FAM193B: variants seen among roughly 807,000 people sequenced by gnomAD.
FAM193B encodes the protein family with sequence similarity 193 member B.
A neutral mutation model predicts 70.7 loss-of-function variants in FAM193B; 27 were observed. That is an observed-to-expected ratio of 0.38 (90% CI 0.28 to 0.53). The LOEUF (loss-of-function observed/expected upper bound fraction) is 0.53, where lower values mean the gene tolerates loss of function less well. FAM193B is among the 20% of genes least tolerant of loss of function. The pLI is 0.81. For missense variants in FAM193B, 1,022 were observed against 1,072.5 expected (o/e 0.95, Z 0.66); for synonymous variants, 448 against 436.0 (o/e 1.03, Z -0.34).
At chr5:177,542,911 G>C (rs541669891) in intron 1 of FAM193B, among the ~76,000 whole-genome samples, 1 of 152,058 alleles carries the variant, frequency 6.6e-6, no homozygotes, top group Non-Finnish European at 1.5e-5. Context: ...TTCAGGCATG[G>C]ACTCAGTGGG....
intron 1 of FAM193B, among the ~76,000 whole-genome samples, chr5:177,552,370 G>C (rs952173165): frequency 3.5e-4 from 53 of 152,354 alleles, no homozygotes; most frequent in African/African-American, 1.3e-3. Flanking sequence ...ACAAATAAAT[G>C]AATCAGCAGG....
intron 1 of FAM193B, among the ~76,000 whole-genome samples, chr5:177,545,840 A>G (rs1765365463): frequency 6.6e-6 from 1 of 152,082 alleles, no homozygotes; most frequent in Non-Finnish European, 1.5e-5. Flanking sequence ...ATTCTTTTTC[A>G]TCTCCAGAGT....
chr5:177,550,565 G>A (rs1766078654), intron 1 of FAM193B, among the ~76,000 whole-genome samples: 1 of 152,206 alleles, frequency 6.6e-6, no homozygotes, highest in Non-Finnish European at 1.5e-5. Context: ...ACAATGTGGA[G>A]GGAACAAGAG....
intron 5 of FAM193B, chr5:177,531,790 C>G: frequency 1.1e-6 from 1 of 879,210 alleles, no homozygotes; most frequent in Non-Finnish European, 1.5e-6. Context: ...CACTGGGAAG[C>G]TGTATGACCT....
chr5:177,543,532 C>T (rs1765094591), intron 1 of FAM193B, among the ~76,000 whole-genome samples: 1 of 152,246 alleles, frequency 6.6e-6, no homozygotes, highest in South Asian at 2.1e-4. Context: ...AAGCTGATGT[C>T]TGAACTCTAG....
At chr5:177,526,372 G>A (rs1762599811) in intron 5 of FAM193B, among the ~76,000 whole-genome samples, 1 of 152,136 alleles carries the variant, frequency 6.6e-6, no homozygotes. Flanking sequence ...GGTGGGGCTG[G>A]GCTTCGTGGC....
intron 5 of FAM193B, among the ~76,000 whole-genome samples, chr5:177,528,710 G>A (rs1027551845): frequency 6.6e-6 from 1 of 152,216 alleles, no homozygotes; most frequent in East Asian, 1.9e-4. Flanking sequence ...GGCTCGGAAG[G>A]CCTAGCGGTT....
chr5:177,541,158 A>G (rs1764803515), intron 1 of FAM193B, among the ~76,000 whole-genome samples: 1 of 152,200 alleles, frequency 6.6e-6, no homozygotes, highest in South Asian at 2.1e-4. Context: ...AATGAGCAAG[A>G]CAGTTGTTTA....
chr5:177,553,798 A>G (rs1176333673), intron 1 of FAM193B: 1 of 1,286,962 alleles, frequency 7.8e-7, no homozygotes, highest in Non-Finnish European at 1.0e-6. Context: ...CCGCGGCTGC[A>G]GGCGCTGCAG....
chr5:177,552,828 C>G (rs1766462384), intron 1 of FAM193B, among the ~76,000 whole-genome samples: 1 of 152,220 alleles, frequency 6.6e-6, no homozygotes, highest in African/African-American at 2.4e-5. Context: ...TTATTGTGAT[C>G]TGAGACACAA....
chr5:177,550,856 G>T (rs1581947935), intron 1 of FAM193B, among the ~76,000 whole-genome samples: 1 of 152,156 alleles, frequency 6.6e-6, no homozygotes, highest in Non-Finnish European at 1.5e-5. Flanking sequence ...AGGAGACGGT[G>T]TTTCCCTCTC....
chr5:177,531,608 A>G (rs1581875020), intron 5 of FAM193B: 2 of 1,086,134 alleles, frequency 1.8e-6, no homozygotes, highest in East Asian at 1.2e-4. Context: ...GTATGTGATG[A>G]GAAGCAAGAC....
chr5:177,551,349 T>A (rs1371552061), intron 1 of FAM193B, among the ~76,000 whole-genome samples: 2 of 152,202 alleles, frequency 1.3e-5, no homozygotes, highest in African/African-American at 4.8e-5. Flanking sequence ...AAACGAGGAT[T>A]TGGGTTGTTA....
chr5:177,548,990 C>G lies in FAM193B; in HGVS notation c.210+5259G>C, dbSNP rs115204381. ...TTCCTTTGTTTAGACTCCTTTCTACCACCTTGTCCTCTGGAGAACTTCTAC... is the reference window on the plus strand; with the variant it reads ...TTCCTTTGTTTAGACTCCTTTCTACGACCTTGTCCTCTGGAGAACTTCTAC... On this transcript the variant is annotated intron_variant, in intron 1 of 8. Coordinates refer to ENST00000514747, the MANE Select transcript of FAM193B (RefSeq NM_001190946.3). 4.8e-3 allele frequency among the ~76,000 whole-genome samples: 727 copies of G among 152,098 alleles called. 2 individuals carry two copies. The highest frequency in any genetic ancestry group is 0.017 in the African/African-American group (697 of 41,470).
intron 3 of FAM193B, among the ~76,000 whole-genome samples, chr5:177,537,527 G>A (rs1764312067): frequency 2.0e-5 from 3 of 152,208 alleles, no homozygotes; most frequent in Non-Finnish European, 4.4e-5. Flanking sequence ...AGGTTGCCCA[G>A]GTCCTCTGTG....
At chr5:177,536,863 A>C in intron 3 of FAM193B, 118 bp from the exon 4 acceptor site, 2 of 1,339,608 alleles carry the variant, frequency 1.5e-6, no homozygotes, top group South Asian at 2.9e-5. Context: ...GCCTCTCAGC[A>C]CAGGGGACCC....
rs754756992 is a variant in FAM193B, at chr5:177,538,045, C to T, written c.516G>A (p.Ser172=). The change falls in exon 3 of 9, where the codon TCG becomes TCA. Residue 172 remains serine (S), a synonymous_variant. Coordinates refer to ENST00000514747, the MANE Select transcript of FAM193B (RefSeq NM_001190946.3). This position sits in a 1 kb window ranked among gnomAD's most constrained non-coding sequence, Gnocchi z 4.1. ...AGGATGAGGATGATGAGGAGGAAGA[C>T]GAGGACGAATGAGAGTCATCTCCAC... ...QSCGDDSHSS[S]SSSSSSSSSS... 29 of 1,552,884 alleles carry T rather than the reference C, an allele frequency of 1.9e-5. No homozygotes were observed. The highest frequency in any genetic ancestry group is 5.9e-5 in the Admixed American group (3 of 50,994).
intron 1 of FAM193B, among the ~76,000 whole-genome samples, chr5:177,552,655 G>C (rs1308177517): frequency 6.6e-6 from 1 of 152,214 alleles, no homozygotes; most frequent in African/African-American, 2.4e-5. Flanking sequence ...TAGGCTGGTG[G>C]GGGAAGCAGC....
rs1368713934 is a variant in FAM193B at position 177,519,841 on chromosome 5, A to G, written c.*342T>C. The G allele has an allele frequency of 6.6e-6, 1 of 152,256 alleles. No homozygotes were observed. The highest frequency in any genetic ancestry group is 2.4e-5 in the African/African-American group (1 of 41,446). 9.4% of individuals were successfully genotyped at this position (152,256 alleles called of 1,614,324 possible). A position where few individuals can be genotyped will look rare whatever the true frequency, so the allele number is the denominator to read the frequency against. On this transcript the variant is annotated 3_prime_UTR_variant, in exon 9 of 9. Coordinates refer to ENST00000514747, the MANE Select transcript of FAM193B (RefSeq NM_001190946.3). The stretch of plus-strand genomic sequence containing the variant: ...CGGCACGAAAGATCTTCACAGTATC[A>G]AAAGTAAAGAATTGGAAAAAAACAA...
Sources: allele counts gnomAD v4.1 joint callset (sites outside exome capture counted in the v4.1 genomes callset), GRCh38; gene constraint gnomAD v4.1.1; non-coding constraint Gnocchi (gnomAD v3.1); transcripts MANE v1.5; gene names NCBI Gene and HGNC (gene_info 2026-07-23, HGNC 2026-07-21).